WNK2: variants seen among roughly 807,000 people sequenced by gnomAD.
WNK2 encodes serine/threonine-protein kinase WNK2.
WNK2 carries 67 observed loss-of-function variants against 192.1 expected under a neutral mutation model. That is an observed-to-expected ratio of 0.35 (90% CI 0.29 to 0.43). WNK2 has a LOEUF of 0.43. Ranked by LOEUF, WNK2 falls within the 20% of genes least tolerant of loss-of-function variation. The pLI is 1.00. For missense variants in WNK2, 2,698 were observed against 3,089.7 expected, an observed-to-expected ratio of 0.87 and a Z score of 3.01; for synonymous variants, 1,439 against 1,393.9, an observed-to-expected ratio of 1.03 and a Z score of -0.72.
intron 26 of WNK2, among the ~76,000 whole-genome samples, chr9:93,302,058 C>T (rs1036944684): frequency 6.6e-6 from 1 of 152,220 alleles, no homozygotes; most frequent in Admixed American, 6.5e-5. Context: ...TGCCTCTGTG[C>T]CCCTGGGCTG....
intron 9 of WNK2, among the ~76,000 whole-genome samples, chr9:93,253,977 C>T (rs1480817856): frequency 2.0e-5 from 3 of 152,028 alleles, no homozygotes; most frequent in Non-Finnish European, 4.4e-5. Context: ...AGTGCAGTGG[C>T]GTGATCTCAG....
intron 28 of WNK2, 194 bp from the exon 29 acceptor site, chr9:93,317,325 CA>C: frequency 1.6e-6 from 1 of 617,424 alleles, no homozygotes; most frequent in East Asian, 2.8e-5. Context: ...CTTGGGGAAG[CA>C]AACAAGGGAG....
intron 23 of WNK2, among the ~76,000 whole-genome samples, chr9:93,295,471 G>A (rs1249712442): frequency 4.6e-5 from 7 of 152,000 alleles, no homozygotes; most frequent in Non-Finnish European, 1.0e-4. Context: ...AAAAGCCTAT[G>A]TGGCAGGTGT....
intron 16 of WNK2, among the ~76,000 whole-genome samples, chr9:93,267,410 C>T (rs1300877884): frequency 1.3e-5 from 2 of 152,192 alleles, no homozygotes; most frequent in South Asian, 2.1e-4. Context: ...TCCCAGTCCC[C>T]GTCCTCGGCC....
intron 19 of WNK2, among the ~76,000 whole-genome samples, chr9:93,287,112 T>C (rs1449964532): frequency 6.6e-6 from 1 of 152,222 alleles, no homozygotes; most frequent in African/African-American, 2.4e-5. Flanking sequence ...TAGTTAACAA[T>C]AGAGTATCAT....
intron 9 of WNK2, among the ~76,000 whole-genome samples, chr9:93,254,926 G>A (rs749494830): frequency 7.2e-5 from 11 of 152,202 alleles, no homozygotes; most frequent in African/African-American, 1.4e-4. Flanking sequence ...TCCCTCCTCA[G>A]CCTAGGTTAG....
At position 93,293,101 on chromosome 9, in the gene WNK2, A is replaced by G. The variant is rs751907228; in HGVS notation, c.5636A>G (p.Tyr1879Cys). 5 of 1,600,904 alleles carry G rather than the reference A, an allele frequency of 3.1e-6. No homozygotes were observed. In the African/African-American group the frequency reaches 6.7e-5, roughly 22 times the overall value. ...SVTSFHSQSSYISSDNDSELE... is the reference protein window; with the variant it reads ...SVTSFHSQSSCISSDNDSELE... ...ACCTCCTTCCATTCCCAGTCGTCCT[A>G]CATCAGCAGCGACAATGATTCGGAG... The change falls in exon 23 of 30, where the codon TAC becomes TGC. Residue 1879 changes from tyrosine (Y) to cysteine (C), a missense_variant. Physicochemically the swap from Tyr to Cys is radical, Grantham distance 194. Coordinates refer to ENST00000427277, the MANE Select transcript of WNK2 (RefSeq NM_006648.4).
chr9:93,257,271 G>A lies in WNK2; in HGVS notation c.2382+132G>A. 2 of 994,212 alleles carry A rather than the reference G, an allele frequency of 2.0e-6. No homozygotes were observed. Among genetic ancestry groups the A allele is most frequent in the Non-Finnish European group, 2.9e-6 (2 of 690,338 alleles). 61.6% of individuals were successfully genotyped at this position (994,212 alleles called of 1,614,324 possible). On this transcript the variant is annotated intron_variant, in intron 11 of 29. Coordinates refer to ENST00000427277, the MANE Select transcript of WNK2 (RefSeq NM_006648.4). This position sits in a 1 kb window ranked among gnomAD's most constrained non-coding sequence, Gnocchi z 4.7. Reference sequence around the variant, plus strand: ...GACCTGGGGTTGGGCTGGCCAGGGAGTTGGGGCTGGGCTGGGGAGTCCGGG... The same window carrying A: ...GACCTGGGGTTGGGCTGGCCAGGGAATTGGGGCTGGGCTGGGGAGTCCGGG...
At chr9:93,242,555 A>G (rs1018133067) in intron 7 of WNK2, among the ~76,000 whole-genome samples, 1 of 152,240 alleles carries the variant, frequency 6.6e-6, no homozygotes, top group African/African-American at 2.4e-5. Flanking sequence ...CCGTTCACAC[A>G]TTCATTGCAA....
intron 16 of WNK2, among the ~76,000 whole-genome samples, chr9:93,266,487 G>C (rs1478541153): frequency 6.6e-6 from 1 of 152,154 alleles, no homozygotes; most frequent in Non-Finnish European, 1.5e-5. Context: ...AGTTGCAAAG[G>C]GGTTCTAGTT....
In WNK2 at chr9:93,289,370, C is replaced by G; in HGVS notation, c.4616C>G (p.Pro1539Arg). 2 of 1,612,002 alleles carry G rather than the reference C, an allele frequency of 1.2e-6. No individual in the cohort carries two copies. Among genetic ancestry groups the G allele is most frequent in the South Asian group, 1.1e-5 (1 of 91,018 alleles). Residue 1539 changes from proline to arginine, a missense_variant, in exon 20 of 30, where the codon CCC becomes CGC. Physicochemically the swap from Pro to Arg is moderately radical, Grantham distance 103 (BLOSUM62 -2). This residue lies in a region of WNK2 where 1,098 missense variants were observed against 1,101.0 expected (regional missense o/e 1.00). Coordinates refer to ENST00000427277, the MANE Select transcript of WNK2 (RefSeq NM_006648.4). ...SALESDGEGP[P>R]PRVGFVDSTI... ...CTGGAGTCGGATGGGGAAGGGCCGC[C>G]CCCCAGGGTGGGCTTTGTGGACAGC...
In WNK2 at chr9:93,238,262, G is replaced by C. The variant is rs759418966; in HGVS notation, c.1263G>C (p.Val421=). The change falls in exon 6 of 30, where the codon GTG becomes GTC. Residue 421 remains valine (V), a synonymous_variant. Transcript: ENST00000427277. The part of the protein sequence containing the change: ...CGIKPASFEK[V]HDPEIKEIIG... ...TCAAGCCGGCCAGCTTTGAGAAAGT[G>C]CACGATCCTGAAATCAAGGAGATTA... is the stretch of plus-strand genomic sequence containing the variant. 2.5e-6 allele frequency: 4 copies of C among 1,613,926 alleles called. No individual in the cohort carries two copies. In the East Asian group the frequency reaches 8.9e-5, roughly 36 times the overall value.
At chr9:93,204,346 A>G (rs1270712406) in intron 2 of WNK2, among the ~76,000 whole-genome samples, 1 of 152,138 alleles carries the variant, frequency 6.6e-6, no homozygotes, top group Non-Finnish European at 1.5e-5. Context: ...GCCGCATGGA[A>G]TGGAGAAAGT....
At chr9:93,271,424 A>G (rs1464839043) in intron 19 of WNK2, among the ~76,000 whole-genome samples, 2 of 152,272 alleles carry the variant, frequency 1.3e-5, no homozygotes. Context: ...CCATGGTGCC[A>G]GTGACAAGAC....
intron 2 of WNK2, among the ~76,000 whole-genome samples, chr9:93,194,619 G>A (rs949268285): frequency 2.0e-4 from 30 of 152,294 alleles, no homozygotes; most frequent in African/African-American, 6.7e-4. Context: ...TTGCAAAATG[G>A]TACAGCTATT....
At chr9:93,253,958 C>G (rs1427466834) in intron 9 of WNK2, among the ~76,000 whole-genome samples, 1 of 152,094 alleles carries the variant, frequency 6.6e-6, no homozygotes. Flanking sequence ...GCTCTGTTGC[C>G]CAGGCTGGAG....
chr9:93,269,250 G>A (rs911972401), intron 19 of WNK2, among the ~76,000 whole-genome samples: 2 of 152,064 alleles, frequency 1.3e-5, no homozygotes, highest in Non-Finnish European at 2.9e-5. Flanking sequence ...CAACAAGCCC[G>A]TGCTTTGGGC....
At chr9:93,206,970 T>C (rs1232377353) in intron 2 of WNK2, among the ~76,000 whole-genome samples, 1 of 152,142 alleles carries the variant, frequency 6.6e-6, no homozygotes, top group Non-Finnish European at 1.5e-5. Context: ...CCTGTCTCTT[T>C]ATCTGCTGAG....
intron 2 of WNK2, among the ~76,000 whole-genome samples, chr9:93,220,488 G>A (rs1294195637): frequency 6.6e-6 from 1 of 152,182 alleles, no homozygotes; most frequent in Non-Finnish European, 1.5e-5. Flanking sequence ...TTGTGAAGGG[G>A]GATGGGGCCC....
Sources: gnomAD v4.1 joint callset for allele counts (sites outside exome capture counted in the v4.1 genomes callset) on GRCh38, gnomAD v4.1.1 for gene constraint, gnomAD v4.1.1 regional missense constraint, Gnocchi (gnomAD v3.1) non-coding constraint, MANE v1.5 for transcripts, NCBI Gene and HGNC (gene_info 2026-07-23, HGNC 2026-07-21) for gene names.